VAPB: variants seen among roughly 807,000 people sequenced by gnomAD.
The protein encoded by VAPB is VAMP associated protein B and C, also known as vesicle-associated membrane protein-associated protein B/C.
VAPB carries 7 observed loss-of-function variants against 25.6 expected under a neutral mutation model. That is an observed-to-expected ratio of 0.27 (90% CI 0.16 to 0.51). The LOEUF is 0.51. Ranked by LOEUF, VAPB falls within the 20% of genes least tolerant of loss-of-function variation. The pLI, the probability that VAPB is intolerant of heterozygous loss-of-function variation, is 0.97. For synonymous variants in VAPB, 112 were observed against 109.2 expected, an observed-to-expected ratio of 1.03 and a Z score of -0.16; for missense variants, 266 against 301.3, an observed-to-expected ratio of 0.88 and a Z score of 0.87.
intron 1 of VAPB, among the ~76,000 whole-genome samples, chr20:58,414,873 C>T (rs184738836): frequency 0.056 from 8,544 of 152,232 alleles, 334 homozygotes; most frequent in Non-Finnish European, 0.084. Flanking sequence ...CCAAGGCAGG[C>T]GGCTGGGAGG....
At chr20:58,427,504 G>A (rs1401153449) in intron 2 of VAPB, among the ~76,000 whole-genome samples, 1 of 151,968 alleles carries the variant, frequency 6.6e-6, no homozygotes. Flanking sequence ...CCATTATGAT[G>A]CAGGCAAAAG....
At chr20:58,395,154 T>G (rs1443225484) in intron 1 of VAPB, among the ~76,000 whole-genome samples, 2 of 95,778 alleles carry the variant, frequency 2.1e-5, no homozygotes, top group East Asian at 2.0e-4. Flanking sequence ...AAAAGTGTCT[T>G]TTTTTTTTTT....
At chr20:58,400,442 T>C (rs921417372) in intron 1 of VAPB, among the ~76,000 whole-genome samples, 4 of 152,248 alleles carry the variant, frequency 2.6e-5, no homozygotes, top group Admixed American at 2.6e-4. Context: ...GAAAGCTCAC[T>C]ACTTGTATTA....
rs1989363405 is a variant in VAPB, at chr20:58,448,859, T to C, written c.*4624T>C. ...TCCTGGAGAATGACTTTGGGGGCTT[T>C]AGAAAGAATATTGCCAGTCCGTCTC... On this transcript the variant is annotated 3_prime_UTR_variant, in exon 6 of 6. Transcript: ENST00000475243. 4.4e-6 allele frequency: 2 copies of C among 453,998 alleles called. No homozygotes were observed. The highest frequency in any genetic ancestry group is 8.8e-6 in the Non-Finnish European group (2 of 226,802). The allele number at this position is 453,998 out of a possible 1,614,324, so 28.1% of individuals were successfully genotyped here. A position where few individuals can be genotyped will look rare whatever the true frequency, so the allele number is the denominator to read the frequency against.
At position 58,418,345 on chromosome 20, in the gene VAPB, G is replaced by A. The variant is rs1400743434; in HGVS notation, c.193G>A (p.Ala65Thr). 2.5e-6 allele frequency: 4 copies of A among 1,614,040 alleles called. No individual in the cohort carries two copies. Among genetic ancestry groups the A allele is most frequent in the East Asian group, 4.5e-5 (2 of 44,896 alleles). The change falls in exon 2 of 6, where the codon GCC becomes ACC. Residue 65 changes from alanine to threonine, a missense_variant. Physicochemically the swap from Ala to Thr is moderately conservative, Grantham distance 58. This residue lies in a region of VAPB where 98 missense variants were observed against 147.1 expected (regional missense o/e 0.67). Coordinates refer to ENST00000475243, the MANE Select transcript of VAPB (RefSeq NM_004738.5). ...CAACAGCGGAATCATCGATGCAGGG[G>A]CCTCAATTAATGTATCTGGTAAGTC... is the stretch of plus-strand genomic sequence containing the variant. ...RPNSGIIDAG[A>T]SINVSVMLQP...
chr20:58,446,080 G>A lies in VAPB; in HGVS notation c.*1845G>A. 2.2e-6 allele frequency: 1 copy of A among 454,034 alleles called. No homozygotes were observed. The highest frequency in any genetic ancestry group is 4.4e-6 in the Non-Finnish European group (1 of 226,784). 28.1% of individuals were successfully genotyped at this position (454,034 alleles called of 1,614,324 possible). The stretch of plus-strand genomic sequence containing the variant: ...ACTTCCTGTCTTCATGAAAAAAGTT[G>A]ACTTTGAATCCCAGGTACTCACAGA... On this transcript the variant is annotated 3_prime_UTR_variant, in exon 6 of 6. Coordinates refer to ENST00000475243, the MANE Select transcript of VAPB (RefSeq NM_004738.5).
intron 2 of VAPB, among the ~76,000 whole-genome samples, chr20:58,433,711 T>C (rs773308646): frequency 3.3e-5 from 5 of 152,202 alleles, no homozygotes; most frequent in Non-Finnish European, 5.9e-5. Flanking sequence ...AATGAGATGA[T>C]GGTAAACCTA....
intron 5 of VAPB, among the ~76,000 whole-genome samples, chr20:58,443,398 G>GTTTTTTTTT (rs397773897): frequency 8.9e-6 from 1 of 112,836 alleles, no homozygotes; most frequent in African/African-American, 3.6e-5. Flanking sequence ...CCACTTTTAG[G>GTTTTTTTTT]TTTTTTTTTT....
In VAPB at chr20:58,391,721, C is replaced by T. The variant is rs923240476; in HGVS notation, c.58+2204C>T. ...CTAAATTTTGTATTTTTAGTAGAGA[C>T]GGTGTTTCACTATGTTGGCCAGGCT... On this transcript the variant is annotated intron_variant, in intron 1 of 5. Coordinates refer to ENST00000475243, the MANE Select transcript of VAPB (RefSeq NM_004738.5). Among the ~76,000 whole-genome samples, 7 of 152,222 alleles carry T rather than the reference C, an allele frequency of 4.6e-5. No homozygotes were observed. The East Asian group carries it at 7.7e-4, about 17-fold the overall frequency.
At chr20:58,427,791 C>G (rs1988835478) in intron 2 of VAPB, among the ~76,000 whole-genome samples, 1 of 151,176 alleles carries the variant, frequency 6.6e-6, no homozygotes, top group African/African-American at 2.4e-5. Flanking sequence ...TGATCTGTTA[C>G]CATTATGATG....
chr20:58,416,310 A>T (rs1006005904), intron 1 of VAPB, among the ~76,000 whole-genome samples: 2 of 152,198 alleles, frequency 1.3e-5, no homozygotes, highest in East Asian at 3.9e-4. Context: ...AAAACAGTTA[A>T]GTGTTTACAT....
chr20:58,415,433 C>G (rs975473520), intron 1 of VAPB, among the ~76,000 whole-genome samples: 1 of 152,132 alleles, frequency 6.6e-6, no homozygotes, highest in African/African-American at 2.4e-5. Context: ...AAGAGTATTG[C>G]CAGTTTCTCC....
chr20:58,432,720 A>G (rs1232167565), intron 2 of VAPB, among the ~76,000 whole-genome samples: 2 of 152,220 alleles, frequency 1.3e-5, no homozygotes, highest in East Asian at 1.9e-4. Context: ...GGGGCAGGAA[A>G]AAAACACATT....
intron 2 of VAPB, among the ~76,000 whole-genome samples, chr20:58,427,244 G>A (rs113465364): frequency 0.02 from 1,731 of 85,222 alleles, no homozygotes; most frequent in East Asian, 0.041. Flanking sequence ...TATGATGCAG[G>A]CGAAAGTGAT....
intron 1 of VAPB, among the ~76,000 whole-genome samples, chr20:58,413,972 C>T (rs1326107837): frequency 1.2e-4 from 2 of 16,330 alleles, no homozygotes; most frequent in Non-Finnish European, 1.4e-4. Flanking sequence ...ACCTCCCTCC[C>T]GGACGGGGCA....
chr20:58,424,659 T>C lies in VAPB; in HGVS notation c.211+6296T>C, dbSNP rs1281160379. ...AAAGATTTACATTTTAAAAGATATT[T>C]ATAAAAAAGAGTGAATAAGCCTTGT... On this transcript the variant is annotated intron_variant, in intron 2 of 5. Transcript: ENST00000475243. 1.1e-4 allele frequency among the ~76,000 whole-genome samples: 17 copies of C among 152,322 alleles called. No homozygotes were observed. The East Asian group carries it at 3.1e-3, about 28-fold the overall frequency.
intron 1 of VAPB, among the ~76,000 whole-genome samples, chr20:58,413,155 T>A (rs1296302071): frequency 1.4e-5 from 2 of 139,214 alleles, no homozygotes; most frequent in African/African-American, 5.4e-5. Flanking sequence ...TTTTTTTTTT[T>A]AATTTATTTT....
intron 1 of VAPB, among the ~76,000 whole-genome samples, chr20:58,396,856 C>G (rs1340004437): frequency 6.6e-6 from 1 of 152,162 alleles, no homozygotes; most frequent in Non-Finnish European, 1.5e-5. Flanking sequence ...GTGTAACAAT[C>G]GTATGAGATG....
In VAPB at chr20:58,450,336, G is replaced by T. The variant is rs529844637; in HGVS notation, c.*6101G>T. 3 of 453,216 alleles carry T rather than the reference G, an allele frequency of 6.6e-6. No individual in the cohort carries two copies. The highest frequency in any genetic ancestry group is 1.3e-5 in the Non-Finnish European group (3 of 226,444). 28.1% of individuals were successfully genotyped at this position (453,216 alleles called of 1,614,324 possible). A position where few individuals can be genotyped will look rare whatever the true frequency, so the allele number is the denominator to read the frequency against. ...TTTCATCATTCACTCCTTAGCAAAC[G>T]TTTCGTAAGTACCCTCTGTCTGTTT... is the stretch of plus-strand genomic sequence containing the variant. On this transcript the variant is annotated 3_prime_UTR_variant, in exon 6 of 6. Transcript: ENST00000475243.
Sources: gnomAD v4.1 joint callset for allele counts (sites outside exome capture counted in the v4.1 genomes callset) on GRCh38, gnomAD v4.1.1 for gene constraint, gnomAD v4.1.1 regional missense constraint, MANE v1.5 for transcripts, NCBI Gene and HGNC (gene_info 2026-07-23, HGNC 2026-07-21) for gene names.